Variants in SP140L observed in about 807,000 individuals in gnomAD.
SP140L encodes the protein SP140 like nuclear body protein.
SP140L carries 64 observed loss-of-function variants against 84.3 expected under a neutral mutation model. The observed-to-expected ratio is 0.76, with a 90% CI of 0.62 to 0.94. The LOEUF is 0.94. Ranked by LOEUF, SP140L falls within the 40% of genes least tolerant of loss-of-function variation. The pLI is 0.00. For synonymous variants in SP140L, 242 were observed against 236.9 expected (o/e 1.02, Z -0.20); for missense variants, 628 against 692.5 (o/e 0.91, Z 1.05).
At chr2:230,370,475 CA>C (rs1182692350) in intron 5 of SP140L, among the ~76,000 whole-genome samples, 1 of 152,140 alleles carries the variant, frequency 6.6e-6, no homozygotes, top group Non-Finnish European at 1.5e-5. Flanking sequence ...TCACACTTCT[CA>C]CTGACATAAC....
intron 7 of SP140L, among the ~76,000 whole-genome samples, chr2:230,375,783 G>A (rs937894447): frequency 1.3e-5 from 2 of 152,092 alleles, no homozygotes; most frequent in Non-Finnish European, 2.9e-5. Flanking sequence ...ATTGAGTTAT[G>A]TGAGTTCCTT....
At chr2:230,368,397 G>C (rs2060953212) in intron 5 of SP140L, among the ~76,000 whole-genome samples, 1 of 152,082 alleles carries the variant, frequency 6.6e-6, no homozygotes, top group Non-Finnish European at 1.5e-5. Context: ...GCTGCTTTCA[G>C]GATCCTCTCT....
intron 7 of SP140L, among the ~76,000 whole-genome samples, chr2:230,375,832 T>C (rs72994308): frequency 0.25 from 38,028 of 152,110 alleles, 5,246 homozygotes; most frequent in Non-Finnish European, 0.3. Context: ...ATACATGGTT[T>C]GCAAATATTT....
intron 2 of SP140L, among the ~76,000 whole-genome samples, chr2:230,354,845 AAAGGAAAGAAAG>A (rs1482900526): frequency 1.8e-5 from 2 of 113,988 alleles, no homozygotes; most frequent in South Asian, 3.2e-4. Flanking sequence ...AGAAAGAAAG[AAAGGAAAGAAAG>A]AAAGAAAGAA....
chr2:230,392,014 A>G lies in SP140L; in HGVS notation c.965-73A>G. The G allele has an allele frequency of 2.5e-6, 4 of 1,594,938 alleles. No individual in the cohort carries two copies. In the South Asian group the frequency reaches 4.5e-5, roughly 18 times the overall value. The stretch of plus-strand genomic sequence containing the variant: ...TCACAAATTGGGTGGCTCTAGATCC[A>G]ATGTGGTGAGTGGCCACAGTCTGAG... On this transcript the variant is annotated intron_variant, in intron 11 of 18. Transcript: ENST00000415673.
intron 2 of SP140L, among the ~76,000 whole-genome samples, chr2:230,331,865 T>C (rs1330116932): frequency 2.0e-5 from 3 of 152,224 alleles, no homozygotes; most frequent in Non-Finnish European, 2.9e-5. Context: ...TGTTTTTTTC[T>C]GGAGAAATAA....
At chr2:230,346,834 T>G (rs974962852) in intron 2 of SP140L, among the ~76,000 whole-genome samples, 1 of 152,236 alleles carries the variant, frequency 6.6e-6, no homozygotes, top group Non-Finnish European at 1.5e-5. Flanking sequence ...TCACCGAACT[T>G]TTTAAAGAGA....
intron 15 of SP140L, 93 bp downstream of exon 15, chr2:230,400,335 T>G: frequency 7.7e-7 from 1 of 1,304,104 alleles, no homozygotes; most frequent in Non-Finnish European, 1.1e-6. Context: ...TGTGTCTAGA[T>G]GGGGAAGGAG....
chr2:230,364,620 A>G (rs2060813603), intron 5 of SP140L, among the ~76,000 whole-genome samples: 1 of 151,964 alleles, frequency 6.6e-6, no homozygotes, highest in African/African-American at 2.4e-5. Flanking sequence ...TCCACTTTGG[A>G]TGTCTTTTAT....
chr2:230,370,937 A>G lies in SP140L; in HGVS notation c.553A>G (p.Lys185Glu). ...AGTGCCAGAAAGCCCGGAAGCAAGG[A>G]AGGAAAGTGACCAAGCATGTGGCAA... is the stretch of plus-strand genomic sequence containing the variant. ...GEVPESPEAR[K>E]ESDQACGKMD... The change falls in exon 6 of 19, where the codon AAG becomes GAG. Residue 185 changes from lysine (K) to glutamate (E), a missense_variant. Transcript: ENST00000415673. 1.2e-6 allele frequency: 2 copies of G among 1,613,778 alleles called. No individual in the cohort carries two copies. The highest frequency in any genetic ancestry group is 1.7e-6 in the Non-Finnish European group (2 of 1,179,832).
intron 13 of SP140L, 138 bp downstream of exon 13, chr2:230,393,599 T>G: frequency 9.6e-7 from 1 of 1,040,372 alleles, no homozygotes; most frequent in South Asian, 2.1e-5. Context: ...TAAATTTTTT[T>G]AATATACACT....
At chr2:230,349,215 CAT>C (rs1371079432) in intron 2 of SP140L, among the ~76,000 whole-genome samples, 33 of 152,214 alleles carry the variant, frequency 2.2e-4, no homozygotes. Flanking sequence ...TCTGCACTCT[CAT>C]CTCTGTTTCA....
rs751056123 is a variant in SP140L, at chr2:230,402,819, G to A, written c.1666G>A (p.Gly556Arg). ...SYKYKDFGQM[G>R]LRLEAEFEKD... ...CCAGTATAAGGATTTTGGCCAAATG[G>A]GACTTAGACTGGAGGCTGAATTTGA... The change falls in exon 19 of 19, where the codon GGA becomes AGA. Residue 556 changes from glycine to arginine, a missense_variant. This residue lies in a region of SP140L where 44 missense variants were observed against 36.1 expected (regional missense o/e 1.22). Coordinates refer to ENST00000415673, the MANE Select transcript of SP140L (RefSeq NM_138402.6). 5 of 1,611,450 alleles carry A rather than the reference G, an allele frequency of 3.1e-6. No homozygotes were observed. In the African/African-American group the frequency reaches 6.7e-5, roughly 22 times the overall value.
At chr2:230,342,735 T>C (rs1399666007) in intron 2 of SP140L, among the ~76,000 whole-genome samples, 2 of 152,230 alleles carry the variant, frequency 1.3e-5, no homozygotes, top group African/African-American at 4.8e-5. Flanking sequence ...TTATTAGTTG[T>C]AATCTTTCCT....
In SP140L at chr2:230,328,778, A is replaced by G. The variant is rs755054698; in HGVS notation, c.54A>G (p.Ser18=). The G allele has an allele frequency of 5.6e-6, 9 of 1,612,944 alleles. No homozygotes were observed. In the South Asian group the frequency reaches 9.9e-5, roughly 18 times the overall value. ...LSTRGLNGGV[S]QVANEMNHLP... ...TTAGGGGGCTGAACGGAGGTGTTTC[A>G]CAAGTAGCAAATGAGATGAACCATC... Residue 18 remains serine (S), a synonymous_variant, in exon 2 of 19, where the codon TCA becomes TCG. Coordinates refer to ENST00000415673, the MANE Select transcript of SP140L (RefSeq NM_138402.6).
chr2:230,327,521 CA>C (rs1004766362), intron 1 of SP140L, among the ~76,000 whole-genome samples: 1 of 152,240 alleles, frequency 6.6e-6, no homozygotes, highest in Admixed American at 6.5e-5. Context: ...TGCCATAACA[CA>C]GATGACTTTT....
intron 2 of SP140L, among the ~76,000 whole-genome samples, chr2:230,335,656 A>G (rs749477191): frequency 1.3e-5 from 2 of 152,200 alleles, no homozygotes; most frequent in Non-Finnish European, 2.9e-5. Context: ...TTGAAAGGCA[A>G]TATAATGTAA....
intron 2 of SP140L, among the ~76,000 whole-genome samples, chr2:230,334,327 T>C (rs974844648): frequency 3.9e-5 from 6 of 152,332 alleles, no homozygotes; most frequent in Admixed American, 2.6e-4. Flanking sequence ...ACCTACCTTC[T>C]GAAATGTTTG....
At chr2:230,334,225 AG>A (rs1372491988) in intron 2 of SP140L, among the ~76,000 whole-genome samples, 1 of 152,204 alleles carries the variant, frequency 6.6e-6, no homozygotes, top group Non-Finnish European at 1.5e-5. Context: ...AGAGTTTGAA[AG>A]CATACATGGG....
Sources: allele counts gnomAD v4.1 joint callset (sites outside exome capture counted in the v4.1 genomes callset), GRCh38; gene constraint gnomAD v4.1.1; regional missense constraint gnomAD v4.1.1; transcripts MANE v1.5; gene names NCBI Gene and HGNC (gene_info 2026-07-23, HGNC 2026-07-21).